C18orf63: variants seen among roughly 807,000 people sequenced by gnomAD.
The protein encoded by C18orf63 is chromosome 18 open reading frame 63.
A neutral mutation model predicts 75.3 loss-of-function variants in C18orf63; 50 were observed. The ratio of observed to expected loss-of-function variants is 0.66; its 90% CI spans 0.53 to 0.84. C18orf63 has a LOEUF of 0.84. C18orf63 is among the 40% of genes least tolerant of loss of function. C18orf63 has a pLI of 0.00. For synonymous variants in C18orf63, 232 were observed against 267.6 expected, an observed-to-expected ratio of 0.87 and a Z score of 1.30; for missense variants, 732 against 800.2, an observed-to-expected ratio of 0.91 and a Z score of 1.03.
At chr18:74,338,463 T>G (rs1282824750) in intron 7 of C18orf63, among the ~76,000 whole-genome samples, 3 of 152,072 alleles carry the variant, frequency 2.0e-5, no homozygotes, top group African/African-American at 7.2e-5. Context: ...CTAAAATCAC[T>G]GCAAAATAGG....
At chr18:74,340,448 G>A (rs1984462112) in intron 8 of C18orf63, among the ~76,000 whole-genome samples, 1 of 152,088 alleles carries the variant, frequency 6.6e-6, no homozygotes. Flanking sequence ...CACTATGGAG[G>A]TTCCTCAAAA....
chr18:74,343,786 C>A lies in C18orf63; in HGVS notation c.978+84C>A, dbSNP rs902731428. The stretch of plus-strand genomic sequence containing the variant: ...GAATCTCTTGTCTTCTGGGGTGGAA[C>A]ACCCAACGCAGTGTGCAGTAATTCT... On this transcript the variant is annotated intron_variant, in intron 11 of 13. Transcript: ENST00000579455. The A allele has an allele frequency of 4.4e-5, 35 of 802,412 alleles. No homozygotes were observed. In the African/African-American group the frequency reaches 5.0e-4, roughly 11 times the overall value. 49.7% of individuals were successfully genotyped at this position (802,412 alleles called of 1,614,324 possible).
At chr18:74,338,569 A>G in intron 7 of C18orf63, 146 bp from the exon 8 acceptor site, 1 of 396,252 alleles carries the variant, frequency 2.5e-6, no homozygotes, top group Non-Finnish European at 4.5e-6. Flanking sequence ...TACTTATGTA[A>G]AGTGGTTATG....
chr18:74,342,846 G>A (rs1453512706), intron 10 of C18orf63, among the ~76,000 whole-genome samples: 1 of 152,100 alleles, frequency 6.6e-6, no homozygotes, highest in Non-Finnish European at 1.5e-5. Flanking sequence ...AAGAGCATAA[G>A]TGCTCAGGTG....
Position 74,353,179 on chromosome 18 carries a change from T to C in C18orf63, c.979-67T>C. ...TTCTTATTTGGATGATACTTTATAT[T>C]TTATTTCTTTTCCATTAAGGACATT... On this transcript the variant is annotated intron_variant, in intron 11 of 13. Transcript: ENST00000579455. 4 of 1,014,858 alleles carry C rather than the reference T, an allele frequency of 3.9e-6. No individual in the cohort carries two copies. In the South Asian group the frequency reaches 6.8e-5, roughly 17 times the overall value. The allele number at this position is 1,014,858 out of a possible 1,614,324, so 62.9% of individuals were successfully genotyped here. A position where few individuals can be genotyped will look rare whatever the true frequency, so the allele number is the denominator to read the frequency against.
rs8093010 is a variant in C18orf63 at position 74,353,240 on chromosome 18, T to C, written c.979-6T>C. ...TAAATTTTTTTTTAATCTCTATCCT[T>C]TTCAGGAACACAAAGTCAAGCCACC... On this transcript the variant is annotated splice_polypyrimidine_tract_variant and splice_region_variant and intron_variant, in intron 11 of 13. Transcript: ENST00000579455. 0.56 allele frequency: 857,078 copies of C among 1,522,778 alleles called. 244,357 individuals are homozygous for C. Among genetic ancestry groups the C allele is most frequent in the Middle Eastern group, 0.61 (3,619 of 5,950 alleles). 94.3% of individuals were successfully genotyped at this position (1,522,778 alleles called of 1,614,324 possible).
At chr18:74,329,951 T>C (rs1265150616) in intron 6 of C18orf63, among the ~76,000 whole-genome samples, 1 of 152,188 alleles carries the variant, frequency 6.6e-6, no homozygotes, top group Admixed American at 6.5e-5. Flanking sequence ...TCCTGACCTG[T>C]AATCTACAGC....
intron 11 of C18orf63, among the ~76,000 whole-genome samples, chr18:74,345,377 G>A (rs929696311): frequency 1.1e-4 from 16 of 151,556 alleles, no homozygotes; most frequent in Non-Finnish European, 2.2e-4. Flanking sequence ...TTGGCAGCAG[G>A]TCCTAATTTA....
rs572659007 is a variant in C18orf63, at chr18:74,353,735, C to T, written c.1468C>T (p.Arg490Cys). The change falls in exon 12 of 14, where the codon CGT becomes TGT. Residue 490 changes from arginine (R) to cysteine (C), a missense_variant. By Grantham distance (180) the Arg-to-Cys change is radical. Around this residue, in one of 3 missense-constraint regions of C18orf63, gnomAD observed 495 missense variants for 508.7 expected, o/e 0.97. Coordinates refer to ENST00000579455, the MANE Select transcript of C18orf63 (RefSeq NM_001174123.2). Reference protein sequence around the residue: ...KLNLGPAIKNRYSSNIQMQAA... With the variant: ...KLNLGPAIKNCYSSNIQMQAA... ...GAATTTAGGTCCAGCTATAAAAAAC[C>T]GTTATAGTAGTAACATTCAGATGCA... 32 of 1,535,898 alleles carry T rather than the reference C, an allele frequency of 2.1e-5. No homozygotes were observed. The East Asian group carries it at 5.1e-4, about 25-fold the overall frequency.
At chr18:74,355,627 TA>T (rs1376557614) in intron 13 of C18orf63, among the ~76,000 whole-genome samples, 2 of 150,692 alleles carry the variant, frequency 1.3e-5, no homozygotes, top group African/African-American at 2.4e-5. Flanking sequence ...ACAAAAAATA[TA>T]AAAAATTAGG....
chr18:74,331,701 G>A (rs1299400761), intron 7 of C18orf63, among the ~76,000 whole-genome samples: 1 of 152,152 alleles, frequency 6.6e-6, no homozygotes, highest in Non-Finnish European at 1.5e-5. Context: ...AGCCCAAAGT[G>A]TCAATAGTGT....
Position 74,353,312 on chromosome 18 carries a change from A to G in C18orf63, c.1045A>G (p.Thr349Ala). The G allele has an allele frequency of 6.5e-7, 1 of 1,536,538 alleles. No individual in the cohort carries two copies. The highest frequency in any genetic ancestry group is 8.7e-7 in the Non-Finnish European group (1 of 1,146,978). Reference protein sequence around the residue: ...KMLRASLTQATSRKPACAQSL... With the variant: ...KMLRASLTQAASRKPACAQSL... Reference sequence around the variant, plus strand: ...GCTTAGGGCATCTCTGACTCAAGCCACTTCCAGAAAGCCTGCCTGTGCTCA... The same window carrying G: ...GCTTAGGGCATCTCTGACTCAAGCCGCTTCCAGAAAGCCTGCCTGTGCTCA... The change falls in exon 12 of 14, where the codon ACT (threonine) becomes GCT (alanine). Residue 349 changes from threonine to alanine, a missense_variant. Thr to Ala is a moderately conservative substitution (Grantham distance 58). Around this residue, in one of 3 missense-constraint regions of C18orf63, gnomAD observed 495 missense variants for 508.7 expected, o/e 0.97. Coordinates refer to ENST00000579455, the MANE Select transcript of C18orf63 (RefSeq NM_001174123.2).
chr18:74,327,197 G>A (rs144981730), intron 4 of C18orf63, among the ~76,000 whole-genome samples: 1 of 152,128 alleles, frequency 6.6e-6, no homozygotes, highest in African/African-American at 2.4e-5. Flanking sequence ...GTTTATTGGG[G>A]TCTAAAGGAA....
intron 11 of C18orf63, among the ~76,000 whole-genome samples, chr18:74,346,476 A>C (rs910426257): frequency 4.7e-4 from 71 of 152,328 alleles, no homozygotes; most frequent in African/African-American, 1.6e-3. Context: ...ATCTAGATAC[A>C]AAGGCCTACA....
At chr18:74,342,772 A>G (rs1246439916) in intron 10 of C18orf63, among the ~76,000 whole-genome samples, 3 of 152,112 alleles carry the variant, frequency 2.0e-5, no homozygotes, top group Non-Finnish European at 4.4e-5. Context: ...ACTTAATTGC[A>G]CCCCATTGAC....
chr18:74,354,152 G>C lies in C18orf63; in HGVS notation c.1885G>C (p.Val629Leu). ...TGGTACAAGTGACCACAGGTTGATA[G>C]TAAGCAAAATAGCCCACAGGTCTAA... ...EVGTSDHRLI[V>L]SKIAHRSKRK... Residue 629 changes from valine (V) to leucine (L), a missense_variant, in exon 12 of 14, where the codon GTA becomes CTA. Around this residue, in one of 3 missense-constraint regions of C18orf63, gnomAD observed 495 missense variants for 508.7 expected, o/e 0.97. Coordinates refer to ENST00000579455, the MANE Select transcript of C18orf63 (RefSeq NM_001174123.2). The C allele has an allele frequency of 6.5e-7, 1 of 1,536,320 alleles. No individual in the cohort carries two copies. Among genetic ancestry groups the C allele is most frequent in the Non-Finnish European group, 8.7e-7 (1 of 1,146,948 alleles).
At chr18:74,350,136 GTC>G (rs1984642369) in intron 11 of C18orf63, among the ~76,000 whole-genome samples, 1 of 152,046 alleles carries the variant, frequency 6.6e-6, no homozygotes, top group Non-Finnish European at 1.5e-5. Context: ...AATGGTGGTG[GTC>G]TCTGCTCATA....
At position 74,358,202 on chromosome 18, in the gene C18orf63, C is replaced by T. The variant is rs1984803145; in HGVS notation, c.*1755C>T. On this transcript the variant is annotated 3_prime_UTR_variant, in exon 14 of 14. Coordinates refer to ENST00000579455, the MANE Select transcript of C18orf63 (RefSeq NM_001174123.2). ...TAATCTTGATAGCCCCTCCTATACT[C>T]CATTAGTGTCTAAAATTTAGAATAT... 1.3e-5 allele frequency: 2 copies of T among 152,058 alleles called. No homozygotes were observed. The highest frequency in any genetic ancestry group is 4.8e-5 in the African/African-American group (2 of 41,404). 9.4% of individuals were successfully genotyped at this position (152,058 alleles called of 1,614,324 possible).
At chr18:74,354,321 C>T in intron 12 of C18orf63, 53 bp downstream of exon 12, 1 of 1,390,610 alleles carries the variant, frequency 7.2e-7, no homozygotes, top group Non-Finnish European at 9.5e-7. Flanking sequence ...CCCTTAAAAC[C>T]CCTAAATAAG....
Sources: allele counts gnomAD v4.1 joint callset (sites outside exome capture counted in the v4.1 genomes callset), GRCh38; gene constraint gnomAD v4.1.1; regional missense constraint gnomAD v4.1.1; transcripts MANE v1.5; gene names NCBI Gene and HGNC (gene_info 2026-07-23, HGNC 2026-07-21).